TNFSF4: variants seen among roughly 807,000 people sequenced by gnomAD.
TNFSF4 encodes the protein tumor necrosis factor ligand superfamily member 4.
TNFSF4 carries 4 observed loss-of-function variants against 7.3 expected under a neutral mutation model. The observed-to-expected ratio is 0.55, with a 90% CI of 0.27 to 1.25. TNFSF4 has a LOEUF of 1.25. Ranked by LOEUF, TNFSF4 falls within the 50% of genes most tolerant of loss-of-function variation. The probability of loss-of-function intolerance (pLI) is 0.12; values close to 1 mark genes in which losing one functional copy is unlikely to be tolerated. For missense variants in TNFSF4, 181 were observed against 208.8 expected, an observed-to-expected ratio of 0.87 and a Z score of 0.82; for synonymous variants, 76 against 83.7, an observed-to-expected ratio of 0.91 and a Z score of 0.50.
At chr1:173,425,849 T>G in the TNFSF4 span, among the ~76,000 whole-genome samples, 1 of 152,236 alleles carries the variant, frequency 6.6e-6, no homozygotes, top group African/African-American at 2.4e-5. Context: ...GTAAATCTCT[T>G]GATGAATTTT....
intron 2 of TNFSF4, among the ~76,000 whole-genome samples, chr1:173,187,165 C>T (rs1557877866): frequency 6.6e-6 from 1 of 152,088 alleles, no homozygotes; most frequent in Admixed American, 6.5e-5. Context: ...AACACTAATG[C>T]CCAACAGAGT....
chr1:173,351,195 C>A, the TNFSF4 span, among the ~76,000 whole-genome samples: 9 of 152,336 alleles, frequency 5.9e-5, no homozygotes, highest in East Asian at 1.7e-3. Flanking sequence ...TTTTCTTTCT[C>A]CATGAACATA....
the TNFSF4 span, among the ~76,000 whole-genome samples, chr1:173,430,805 T>C: frequency 6.6e-6 from 1 of 152,176 alleles, no homozygotes; most frequent in Non-Finnish European, 1.5e-5. Context: ...CTTAATCCTA[T>C]AAAAATCTCA....
the TNFSF4 span, among the ~76,000 whole-genome samples, chr1:173,400,745 C>T: frequency 1.3e-5 from 2 of 152,206 alleles, no homozygotes; most frequent in African/African-American, 4.8e-5. Context: ...CTTACTATTA[C>T]TCTGCCCTGT....
At chr1:173,208,733 C>A (rs1650281335), upstream of TNFSF4, among the ~76,000 whole-genome samples, 1 of 151,482 alleles carries the variant, frequency 6.6e-6, no homozygotes, top group Non-Finnish European at 1.5e-5. Context: ...GAGAAAAAAG[C>A]TGAAGGAAAA....
the TNFSF4 span, among the ~76,000 whole-genome samples, chr1:173,327,168 G>C: frequency 6.6e-6 from 1 of 152,146 alleles, no homozygotes; most frequent in East Asian, 1.9e-4. Context: ...CCAAAACAGA[G>C]ATATAGACCA....
the TNFSF4 span, among the ~76,000 whole-genome samples, chr1:173,332,509 T>G: frequency 6.6e-6 from 1 of 151,502 alleles, no homozygotes; most frequent in Non-Finnish European, 1.5e-5. Context: ...CCAGCCTGGG[T>G]GATAGAGCAA....
chr1:173,371,039 T>A, the TNFSF4 span, among the ~76,000 whole-genome samples: 1 of 152,238 alleles, frequency 6.6e-6, no homozygotes, highest in African/African-American at 2.4e-5. Flanking sequence ...CCCAACCAGA[T>A]GATCCAACAA....
chr1:173,175,054 G>T, the TNFSF4 span: 1 of 152,146 alleles, frequency 6.6e-6, no homozygotes. Flanking sequence ...AGGGACTGTG[G>T]TTTCTACAAG....
At chr1:173,343,007 G>T in the TNFSF4 span, among the ~76,000 whole-genome samples, 1 of 152,200 alleles carries the variant, frequency 6.6e-6, no homozygotes, top group Non-Finnish European at 1.5e-5. Flanking sequence ...CTGTGGTGGT[G>T]CAATAAGGGA....
chr1:173,302,700 A>G, the TNFSF4 span, among the ~76,000 whole-genome samples: 1 of 151,896 alleles, frequency 6.6e-6, no homozygotes, highest in South Asian at 2.1e-4. Flanking sequence ...TATGAAAATA[A>G]AACTAAAAAT....
At chr1:173,250,325 A>G in the TNFSF4 span, among the ~76,000 whole-genome samples, 1 of 152,380 alleles carries the variant, frequency 6.6e-6, no homozygotes, top group African/African-American at 2.4e-5. Context: ...ACAAATTTCA[A>G]TAAATTGAAC....
the TNFSF4 span, among the ~76,000 whole-genome samples, chr1:173,258,089 C>T: frequency 2.4e-4 from 37 of 152,152 alleles, no homozygotes; most frequent in Admixed American, 1.6e-3. Context: ...AGTTATCTCC[C>T]GGGAACCAGG....
chr1:173,223,445 C>T, the TNFSF4 span, among the ~76,000 whole-genome samples: 4 of 151,802 alleles, frequency 2.6e-5, no homozygotes, highest in African/African-American at 9.7e-5. Context: ...CCTAAGTCCA[C>T]CCGCCCCCCC....
chr1:173,419,235 G>T, the TNFSF4 span, among the ~76,000 whole-genome samples: 1 of 152,016 alleles, frequency 6.6e-6, no homozygotes, highest in Non-Finnish European at 1.5e-5. Flanking sequence ...CCAGCTACTT[G>T]GGAGGCTGAG....
chr1:173,207,410 G>A, upstream of TNFSF4: 1 of 392,152 alleles, frequency 2.6e-6, no homozygotes, highest in Non-Finnish European at 4.5e-6. Flanking sequence ...TGACTAATCT[G>A]AATTTCCCCT....
the TNFSF4 span, among the ~76,000 whole-genome samples, chr1:173,288,459 G>A: frequency 6.6e-6 from 1 of 151,832 alleles, no homozygotes; most frequent in Non-Finnish European, 1.5e-5. Context: ...TAAATAAATA[G>A]CCAAGCAAAC....
the TNFSF4 span, among the ~76,000 whole-genome samples, chr1:173,234,316 G>A: frequency 2.6e-5 from 4 of 152,338 alleles, no homozygotes; most frequent in East Asian, 1.9e-4. Flanking sequence ...TGGAGAGGGT[G>A]TGGAGAAATA....
chr1:173,392,855 G>A, the TNFSF4 span, among the ~76,000 whole-genome samples: 1 of 152,056 alleles, frequency 6.6e-6, no homozygotes, highest in Non-Finnish European at 1.5e-5. Context: ...ATAAAACACT[G>A]ATGAATTGCC....
Sources: gnomAD v4.1 joint callset for allele counts (sites outside exome capture counted in the v4.1 genomes callset) on GRCh38, gnomAD v4.1.1 for gene constraint, MANE v1.5 for transcripts, NCBI Gene and HGNC (gene_info 2026-07-23, HGNC 2026-07-21) for gene names.